Variants in PIGT observed in about 807,000 individuals in gnomAD.
PIGT encodes the protein phosphatidylinositol glycan anchor biosynthesis class T, also known as GPI-anchor transamidase component PIGT.
Under a neutral mutation model 66.7 loss-of-function variants are expected in PIGT, and 57 were observed. The observed-to-expected ratio is 0.86, with a 90% CI of 0.69 to 1.07. PIGT has a LOEUF of 1.07. PIGT is among the 50% of genes least tolerant of loss of function. The pLI, the probability that PIGT is intolerant of heterozygous loss-of-function variation, is 0.00. For synonymous variants in PIGT, 362 were observed against 320.5 expected, an observed-to-expected ratio of 1.13 and a Z score of -1.38; for missense variants, 725 against 740.4, an observed-to-expected ratio of 0.98 and a Z score of 0.24.
Position 45,416,575 on chromosome 20 carries a change from A to G in PIGT, c.246A>G (p.Leu82=), listed in dbSNP as rs932941807. 1.2e-6 allele frequency: 2 copies of G among 1,614,132 alleles called. No homozygotes were observed. Among genetic ancestry groups the G allele is most frequent in the Non-Finnish European group, 1.7e-6 (2 of 1,180,010 alleles). Residue 82 remains leucine, a synonymous_variant, in exon 2 of 12, where the codon CTA becomes CTG. Transcript: ENST00000279036. ...GGCAGCTGATCTCCAAGTATTCTCT[A>G]CGGGAGCTGCACCTGTCATTCACAC... ...ALGQLISKYS[L]RELHLSFTQG... is the part of the protein sequence containing the mutation.
At chr20:45,419,454 T>A in intron 4 of PIGT, 50 bp from the exon 5 acceptor site, 1 of 1,609,594 alleles carries the variant, frequency 6.2e-7, no homozygotes, top group Non-Finnish European at 8.5e-7. Flanking sequence ...CTGCGCCCCA[T>A]GCCAAGTGCT....
chr20:45,424,750 G>T (rs1276955076), intron 11 of PIGT, 171 bp downstream of exon 11: 1 of 604,850 alleles, frequency 1.7e-6, no homozygotes, highest in African/African-American at 1.8e-5. Flanking sequence ...AATTTGTGAA[G>T]ACTTTATAAA....
Position 45,416,266 on chromosome 20 carries a change from C to G in PIGT, c.110C>G (p.Thr37Ser). Residue 37 changes from threonine (T) to serine (S), a missense_variant, in exon 1 of 12, where the codon ACC becomes AGC. Transcript: ENST00000279036. The part of the protein sequence containing the change: ...RDSLREELVI[T>S]PLPSGDVAAT... Reference sequence around the variant, plus strand: ...AGCCTGCGGGAGGAACTTGTCATCACCCCGCTGCCTTCCGGGGACGTAGCC... The same window carrying G: ...AGCCTGCGGGAGGAACTTGTCATCAGCCCGCTGCCTTCCGGGGACGTAGCC... 6.3e-7 allele frequency: 1 copy of G among 1,595,256 alleles called. No individual in the cohort carries two copies. The highest frequency in any genetic ancestry group is 8.5e-7 in the Non-Finnish European group (1 of 1,171,270).
intron 2 of PIGT, chr20:45,418,190 C>T (rs1422489134): frequency 1.3e-5 from 2 of 154,056 alleles, no homozygotes; most frequent in Non-Finnish European, 2.9e-5. Flanking sequence ...GACTTCTCAC[C>T]ATGATAGTAG....
At position 45,421,493 on chromosome 20, in the gene PIGT, C is replaced by G. The variant is rs1196223712; in HGVS notation, c.1144C>G (p.Pro382Ala). The part of the protein sequence containing the change: ...LYNTHPYRAF[P>A]VLLLDTVPWY... Reference sequence around the variant, plus strand: ...CAACACCCACCCATACCGGGCCTTCCCGGTGCTGCTGCTGGACACCGTACC... The same window carrying G: ...CAACACCCACCCATACCGGGCCTTCGCGGTGCTGCTGCTGGACACCGTACC... Residue 382 changes from proline (P) to alanine (A), a missense_variant, in exon 9 of 12, where the codon CCG becomes GCG. Coordinates refer to ENST00000279036, the MANE Select transcript of PIGT (RefSeq NM_015937.6). 2.5e-6 allele frequency: 4 copies of G among 1,614,074 alleles called. No homozygotes were observed. Among genetic ancestry groups the G allele is most frequent in the Non-Finnish European group, 2.5e-6 (3 of 1,180,028 alleles).
At chr20:45,419,029 A>C in intron 3 of PIGT, 50 bp downstream of exon 3, 2 of 1,611,380 alleles carry the variant, frequency 1.2e-6, no homozygotes, top group South Asian at 2.2e-5. Context: ...CTCCTGCCCA[A>C]ACCTTTGCCT....
Position 45,420,573 on chromosome 20 carries a change from C to T in PIGT, c.913C>T (p.Gln305Ter). Residue 305 changes from glutamine to a stop codon, truncating the protein, a stop_gained, in exon 8 of 12, where the codon CAG becomes TAG. Coordinates refer to ENST00000279036, the MANE Select transcript of PIGT (RefSeq NM_015937.6). LOFTEE classifies it high-confidence loss of function. ...GCACCCACCCCCGACCACTACATAT[C>T]AGGACGTCATCCTAGGCACTCGGAA... ...EVHPPPTTTY[Q>*]DVILGTRKTY... 1 of 1,613,802 alleles carries T rather than the reference C, an allele frequency of 6.2e-7. No homozygotes were observed. The highest frequency in any genetic ancestry group is 8.5e-7 in the Non-Finnish European group (1 of 1,179,986).
In PIGT at chr20:45,425,952, C is replaced by A; in HGVS notation, c.*126C>A. On this transcript the variant is annotated 3_prime_UTR_variant, in exon 12 of 12. Transcript: ENST00000279036. ...CAAAGTGCCCTGGACCAGGTCAGGG[C>A]CTACAGCTGTGTTGTCCAGTACAGG... 1 of 1,061,018 alleles carries A rather than the reference C, an allele frequency of 9.4e-7. No homozygotes were observed. The highest frequency in any genetic ancestry group is 1.3e-6 in the Non-Finnish European group (1 of 751,144). 65.7% of individuals were successfully genotyped at this position (1,061,018 alleles called of 1,614,324 possible). A position where few individuals can be genotyped will look rare whatever the true frequency, so the allele number is the denominator to read the frequency against.
chr20:45,421,501 G>A lies in PIGT; in HGVS notation c.1152G>A (p.Leu384=), dbSNP rs772656588. 2 of 1,614,194 alleles carry A rather than the reference G, an allele frequency of 1.2e-6. No homozygotes were observed. The highest frequency in any genetic ancestry group is 1.1e-5 in the South Asian group (1 of 91,082). Residue 384 remains leucine (L), a synonymous_variant, in exon 9 of 12, where the codon CTG becomes CTA. Transcript: ENST00000279036. Reference sequence around the variant, plus strand: ...ACCCATACCGGGCCTTCCCGGTGCTGCTGCTGGACACCGTACCCTGGTATC... The same window carrying A: ...ACCCATACCGGGCCTTCCCGGTGCTACTGCTGGACACCGTACCCTGGTATC... ...NTHPYRAFPV[L]LLDTVPWYLR...
intron 3 of PIGT, 45 bp downstream of exon 3, chr20:45,419,024 G>T: frequency 6.2e-7 from 1 of 1,612,350 alleles, no homozygotes; most frequent in East Asian, 2.2e-5. Flanking sequence ...CTTACCTCCT[G>T]CCCAAACCTT....
Position 45,419,599 on chromosome 20 carries a change from T to C in PIGT, c.681+9T>C. On this transcript the variant is annotated intron_variant, in intron 5 of 11. Coordinates refer to ENST00000279036, the MANE Select transcript of PIGT (RefSeq NM_015937.6). ...TCCGCCCTGTTTGCAGAGTAAGTCA[T>C]GGGGAGTAGAGGAAGCTGCCATCCA... is the stretch of plus-strand genomic sequence containing the variant. 1 of 1,596,000 alleles carries C rather than the reference T, an allele frequency of 6.3e-7. No individual in the cohort carries two copies. Among genetic ancestry groups the C allele is most frequent in the Non-Finnish European group, 8.6e-7 (1 of 1,163,488 alleles).
chr20:45,420,324 T>A lies in PIGT; in HGVS notation c.770-8T>A. 6.2e-7 allele frequency: 1 copy of A among 1,611,374 alleles called. No individual in the cohort carries two copies. Among genetic ancestry groups the A allele is most frequent in the South Asian group, 1.1e-5 (1 of 90,496 alleles). Reference sequence around the variant, plus strand: ...GGCCCCTGCTCAGCCCTGCGCTCTGTTTCTCAGACTGGTCCCTCTTCCGGA... The same window carrying A: ...GGCCCCTGCTCAGCCCTGCGCTCTGATTCTCAGACTGGTCCCTCTTCCGGA... On this transcript the variant is annotated splice_polypyrimidine_tract_variant and splice_region_variant and intron_variant, in intron 6 of 11. Transcript: ENST00000279036.
At chr20:45,419,072 G>C in intron 3 of PIGT, 93 bp downstream of exon 3, 1 of 1,524,358 alleles carries the variant, frequency 6.6e-7, no homozygotes, top group Non-Finnish European at 9.0e-7. Flanking sequence ...TCCTCAGCCT[G>C]GGCTAGATCC....
chr20:45,423,048 A>G (rs1420798591), intron 9 of PIGT: 2 of 128,816 alleles, frequency 1.6e-5, no homozygotes, highest in Non-Finnish European at 3.3e-5. Flanking sequence ...CTACCTATAC[A>G]AAAAAAATTT....
chr20:45,420,821 C>A, intron 8 of PIGT, 128 bp downstream of exon 8: 1 of 930,836 alleles, frequency 1.1e-6, no homozygotes, highest in Non-Finnish European at 1.7e-6. Flanking sequence ...ATGCTGCTGA[C>A]TGTAGCTATT....
intron 2 of PIGT, 107 bp downstream of exon 2, chr20:45,416,801 A>T: frequency 1.0e-6 from 1 of 979,720 alleles, no homozygotes; most frequent in Non-Finnish European, 1.5e-6. Context: ...GTAGGCAGCG[A>T]TTCCATGGGG....
chr20:45,416,713 C>T lies in PIGT; in HGVS notation c.365+19C>T, dbSNP rs780683262. 6.3e-6 allele frequency: 10 copies of T among 1,597,880 alleles called. No homozygotes were observed. Among genetic ancestry groups the T allele is most frequent in the Non-Finnish European group, 8.5e-6 (10 of 1,171,998 alleles). On this transcript the variant is annotated intron_variant, in intron 2 of 11. Coordinates refer to ENST00000279036, the MANE Select transcript of PIGT (RefSeq NM_015937.6). ...TCACTGAGTGAGTGCACACCTTGGG[C>T]CCTGTTGCAGGCCATGGAGGGAATG...
chr20:45,425,403 C>T (rs564380413), intron 11 of PIGT, 171 bp from the exon 12 acceptor site: 23 of 555,510 alleles, frequency 4.1e-5, no homozygotes, highest in Admixed American at 3.0e-4. Flanking sequence ...CCCCGCCCGC[C>T]GCTCCCCTTT....
chr20:45,418,921 C>G lies in PIGT; in HGVS notation c.435C>G (p.Ile145Met). The change falls in exon 3 of 12, where the codon ATC becomes ATG. Residue 145 changes from isoleucine to methionine, a missense_variant. Around this residue, in one of 3 missense-constraint regions of PIGT, gnomAD observed 559 missense variants for 552.7 expected, o/e 1.01. Coordinates refer to ENST00000279036, the MANE Select transcript of PIGT (RefSeq NM_015937.6). ...SGIFCASLNF[I>M]DSTNTVTPTA... ...TCTTCTGCGCCTCTCTCAACTTCAT[C>G]GACTCCACCAACACAGTCACTCCCA... The G allele has an allele frequency of 6.2e-7, 1 of 1,614,114 alleles. No homozygotes were observed. Among genetic ancestry groups the G allele is most frequent in the Non-Finnish European group, 8.5e-7 (1 of 1,179,974 alleles).
Sources: gnomAD v4.1 joint callset for allele counts on GRCh38, gnomAD v4.1.1 for gene constraint, gnomAD v4.1.1 regional missense constraint, MANE v1.5 for transcripts, NCBI Gene and HGNC (gene_info 2026-07-23, HGNC 2026-07-21) for gene names.